PTGR1: variants seen among roughly 807,000 people sequenced by gnomAD.
PTGR1 encodes prostaglandin reductase 1.
A neutral mutation model predicts 37.7 loss-of-function variants in PTGR1; 23 were observed. The observed-to-expected ratio is 0.61, with a 90% CI of 0.44 to 0.86. PTGR1 has a LOEUF of 0.86. PTGR1 is among the 40% of genes least tolerant of loss of function. PTGR1 has a pLI of 0.00. For missense variants in PTGR1, 351 were observed against 394.3 expected, an observed-to-expected ratio of 0.89 and a Z score of 0.93; for synonymous variants, 134 against 140.0, an observed-to-expected ratio of 0.96 and a Z score of 0.30.
intron 2 of PTGR1, among the ~76,000 whole-genome samples, chr9:111,595,564 A>G (rs115921729): frequency 1.3e-5 from 2 of 152,316 alleles, no homozygotes; most frequent in East Asian, 3.9e-4. Context: ...TCACTTTGTC[A>G]TGCTACTTGA....
At chr9:111,583,369 A>T (rs1829334429) in intron 6 of PTGR1, 103 bp downstream of exon 6, 9 of 931,752 alleles carry the variant, frequency 9.7e-6, no homozygotes, top group Non-Finnish European at 1.4e-5. Flanking sequence ...AAAGAAGACA[A>T]CTAGACTATA....
intron 9 of PTGR1, chr9:111,564,285 T>TATC (rs1348994541): frequency 4.1e-6 from 2 of 488,960 alleles, no homozygotes; most frequent in South Asian, 6.4e-5. Flanking sequence ...CTTTTATTAT[T>TATC]ATTATTATTA....
intron 9 of PTGR1, among the ~76,000 whole-genome samples, chr9:111,556,069 A>G (rs1480179462): frequency 5.2e-5 from 8 of 152,390 alleles, no homozygotes; most frequent in South Asian, 2.1e-4. Context: ...GAACAGGGGT[A>G]CAGACACTGG....
chr9:111,583,789 A>G (rs1222579510), intron 5 of PTGR1, among the ~76,000 whole-genome samples, 200 bp from the exon 6 acceptor site: 22 of 152,202 alleles, frequency 1.4e-4, no homozygotes, highest in Admixed American at 1.4e-3. Flanking sequence ...GGTGATGTGA[A>G]CTAGGGAGGG....
downstream of PTGR1, among the ~76,000 whole-genome samples, chr9:111,558,726 G>T (rs1828193495): frequency 6.6e-6 from 1 of 152,054 alleles, no homozygotes; most frequent in Non-Finnish European, 1.5e-5. Flanking sequence ...ATTTATATGT[G>T]TGTCTATGTA....
At chr9:111,551,177 A>G (rs1323043708) in intron 9 of PTGR1, among the ~76,000 whole-genome samples, 5 of 152,214 alleles carry the variant, frequency 3.3e-5, no homozygotes, top group Admixed American at 1.3e-4. Flanking sequence ...CATGTAATCA[A>G]TGTAAAAAAG....
At chr9:111,561,610 G>A (rs1200796560), downstream of PTGR1, among the ~76,000 whole-genome samples, 1 of 152,098 alleles carries the variant, frequency 6.6e-6, no homozygotes, top group Non-Finnish European at 1.5e-5. Flanking sequence ...GCACATTTTT[G>A]TAGATGTATA....
Position 111,563,125 on chromosome 9 carries a change from G to A in PTGR1, c.986C>T (p.Ala329Val). The A allele has an allele frequency of 1.9e-6, 3 of 1,611,958 alleles. No homozygotes were observed. Among genetic ancestry groups the A allele is most frequent in the Non-Finnish European group, 2.5e-6 (3 of 1,179,484 alleles). Residue 329 changes from alanine to valine, a missense_variant, in exon 10 of 10, where the codon GCA becomes GTA. Physicochemically the swap from Ala to Val is moderately conservative, Grantham distance 64. Transcript: ENST00000407693. ...GDNLGKTIVK[A>V] is the part of the protein sequence containing the mutation. ...AGATTCCATGTGTCCTCTTTTTCAT[G>A]CTTTCACTATTGTCTTCCCCAAATT...
At position 111,563,142 on chromosome 9, in the gene PTGR1, C is replaced by A. The variant is rs1490209157; in HGVS notation, c.969G>T (p.Gly323=). 1 of 1,613,844 alleles carries A rather than the reference C, an allele frequency of 6.2e-7. No homozygotes were observed. The highest frequency in any genetic ancestry group is 2.2e-5 in the East Asian group (1 of 44,860). Residue 323 remains glycine, a synonymous_variant, in exon 10 of 10, where the codon GGG becomes GGT. Coordinates refer to ENST00000407693, the MANE Select transcript of PTGR1 (RefSeq NM_001146108.2). ...TTTTTCATGCTTTCACTATTGTCTT[C>A]CCCAAATTATCTCCTTTCAGCATTC... ...FMGMLKGDNL[G]KTIVKA
intron 4 of PTGR1, among the ~76,000 whole-genome samples, chr9:111,591,542 G>GT (rs1383827153): frequency 4.0e-5 from 6 of 151,216 alleles, no homozygotes; most frequent in Non-Finnish European, 7.4e-5. Context: ...GTTAATTTTT[G>GT]TTTTTTTAGT....
chr9:111,557,367 C>T (rs1828154164), intron 9 of PTGR1, among the ~76,000 whole-genome samples: 1 of 150,014 alleles, frequency 6.7e-6, no homozygotes, highest in Non-Finnish European at 1.5e-5. Flanking sequence ...GATCGAGACT[C>T]CATCTCCAGT....
chr9:111,579,319 A>C (rs372014408), intron 6 of PTGR1, among the ~76,000 whole-genome samples: 2 of 151,962 alleles, frequency 1.3e-5, no homozygotes, highest in South Asian at 2.1e-4. Flanking sequence ...TCAGACTATT[A>C]TTTTGTCTCA....
chr9:111,586,761 A>T (rs1390855386), intron 4 of PTGR1, among the ~76,000 whole-genome samples: 1 of 147,104 alleles, frequency 6.8e-6, no homozygotes, highest in Admixed American at 6.8e-5. Flanking sequence ...TTCCTTAATC[A>T]TTGTCTGATT....
intron 9 of PTGR1, among the ~76,000 whole-genome samples, chr9:111,567,792 G>A (rs575687334): frequency 6.6e-6 from 1 of 152,296 alleles, no homozygotes; most frequent in African/African-American, 2.4e-5. Flanking sequence ...AGGCCAGGTA[G>A]AGTCCACTAC....
chr9:111,563,170 A>G lies in PTGR1; in HGVS notation c.941T>C (p.Met314Thr). 1 of 1,613,964 alleles carries G rather than the reference A, an allele frequency of 6.2e-7. No individual in the cohort carries two copies. Among genetic ancestry groups the G allele is most frequent in the Non-Finnish European group, 8.5e-7 (1 of 1,179,906 alleles). Reference protein sequence around the residue: ...EGFENMPAAFMGMLKGDNLGK... With the variant: ...EGFENMPAAFTGMLKGDNLGK... ...CAAATTATCTCCTTTCAGCATTCCC[A>G]TAAATGCAGCTGGCATGTTTTCAAA... The change falls in exon 10 of 10, where the codon ATG becomes ACG. Residue 314 changes from methionine to threonine, a missense_variant. Coordinates refer to ENST00000407693, the MANE Select transcript of PTGR1 (RefSeq NM_001146108.2).
At chr9:111,592,870 C>T (rs1159794399) in intron 4 of PTGR1, 56 bp downstream of exon 4, 2 of 1,580,808 alleles carry the variant, frequency 1.3e-6, no homozygotes, top group Non-Finnish European at 1.7e-6. Flanking sequence ...CAGGACCCAG[C>T]AGGAGGTAAA....
At position 111,576,775 on chromosome 9, in the gene PTGR1, A is replaced by G. The variant is rs183020943; in HGVS notation, c.652-1933T>C. The G allele has an allele frequency of 2.5e-3, 418 of 170,312 alleles. 2 individuals carry two copies. Among genetic ancestry groups the G allele is most frequent in the Admixed American group, 4.5e-3 (73 of 16,366 alleles). The allele number at this position is 170,312 out of a possible 1,614,324, so 10.6% of individuals were successfully genotyped here. A position where few individuals can be genotyped will look rare whatever the true frequency, so the allele number is the denominator to read the frequency against. ...TAATGAAAATCCACTGAATCTAATAAGGGACTTGTATCGGTAAGATGTAAA... is the reference window on the plus strand; with the variant it reads ...TAATGAAAATCCACTGAATCTAATAGGGGACTTGTATCGGTAAGATGTAAA... On this transcript the variant is annotated intron_variant, in intron 7 of 9. Transcript: ENST00000407693.
chr9:111,583,963 C>A (rs1324780186), intron 5 of PTGR1, among the ~76,000 whole-genome samples: 7 of 152,170 alleles, frequency 4.6e-5, no homozygotes, highest in Non-Finnish European at 7.3e-5. Context: ...ATGGGAGAAG[C>A]CCCCATGTTA....
At chr9:111,576,551 A>G in intron 7 of PTGR1, 1 of 1,146,770 alleles carries the variant, frequency 8.7e-7, no homozygotes, top group South Asian at 1.6e-5. Flanking sequence ...GGTATTAGCT[A>G]GTGGAGTGGC....
Sources: allele counts gnomAD v4.1 joint callset (sites outside exome capture counted in the v4.1 genomes callset), GRCh38; gene constraint gnomAD v4.1.1; transcripts MANE v1.5; gene names NCBI Gene and HGNC (gene_info 2026-07-23, HGNC 2026-07-21).